The following PCDH15 variants were observed in gnomAD, a reference collection of about 807,000 sequenced individuals.
The protein encoded by PCDH15 is protocadherin related 15, also known as protocadherin-15.
Under a neutral mutation model 178.5 loss-of-function variants are expected in PCDH15, and 129 were observed. That is an observed-to-expected ratio of 0.72 (90% CI 0.63 to 0.84). The LOEUF is 0.84. Among genes scored for constraint, PCDH15 ranks in the 40% least tolerant of loss-of-function variants. The pLI, the probability that PCDH15 is intolerant of heterozygous loss-of-function variation, is 0.00. For missense variants in PCDH15, 2,230 were observed against 2,099.9 expected (o/e 1.06, Z -1.21); for synonymous variants, 800 against 732.0 (o/e 1.09, Z -1.50).
intron 1 of PCDH15, among the ~76,000 whole-genome samples, chr10:54,721,848 A>T (rs1034929363): frequency 1.3e-5 from 2 of 151,690 alleles, no homozygotes; most frequent in Non-Finnish European, 2.9e-5. Context: ...AGGAGGAAAG[A>T]CTCCTCCTTC....
chr10:54,876,770 T>TTC (rs1954152458), intron 3 of PCDH15, among the ~76,000 whole-genome samples: 1 of 152,158 alleles, frequency 6.6e-6, no homozygotes, highest in African/African-American at 2.4e-5. Context: ...AAGAAAGTAG[T>TTC]TTCCTGAGAT....
rs115819498 is a variant in PCDH15, at chr10:54,721,094, C to T, written c.-28-56804G>A. 8.7e-3 allele frequency among the ~76,000 whole-genome samples: 1,320 copies of T among 152,006 alleles called. 15 individuals carry two copies. Among genetic ancestry groups the T allele is most frequent in the African/African-American group, 0.029 (1,223 of 41,510 alleles). On this transcript the variant is annotated intron_variant, in intron 1 of 37. Coordinates refer to ENST00000644397, the MANE Select transcript of PCDH15 (RefSeq NM_001384140.1). ...TTAATACCAAGAGTAATTCTCAAAA[C>T]TACACAAGTAAATGGACTAAACAAC...
chr10:54,128,985 C>T (rs547578168), intron 15 of PCDH15, among the ~76,000 whole-genome samples: 3 of 152,124 alleles, frequency 2.0e-5, no homozygotes, highest in Non-Finnish European at 4.4e-5. Flanking sequence ...TATAATAGTT[C>T]TCTACAGCCT....
In PCDH15 at chr10:54,775,664, G is replaced by A. The variant is rs1029570507; in HGVS notation, c.-29+25261C>T. The stretch of plus-strand genomic sequence containing the variant: ...TGTAATCCCAGTACTCTGGGAGGCC[G>A]AGGCGGGCGGATCACGAGGTCAGGA... On this transcript the variant is annotated intron_variant, in intron 1 of 37. Coordinates refer to ENST00000644397, the MANE Select transcript of PCDH15 (RefSeq NM_001384140.1). Among the ~76,000 whole-genome samples the A allele has an allele frequency of 5.9e-5, 9 of 152,124 alleles. No homozygotes were observed. In the East Asian group the frequency reaches 1.5e-3, roughly 26 times the overall value.
intron 16 of PCDH15, among the ~76,000 whole-genome samples, chr10:54,083,847 C>T (rs187161473): frequency 1.8e-4 from 27 of 152,216 alleles, no homozygotes; most frequent in Admixed American, 5.2e-4. Context: ...TTTTGGGCTA[C>T]GTTCCTGAAA....
chr10:54,040,131 GT>G lies in PCDH15; in HGVS notation c.2221-16935del, dbSNP rs1038917274. 3.4e-4 allele frequency among the ~76,000 whole-genome samples: 52 copies of G among 152,058 alleles called. 1 individual carries two copies. Among genetic ancestry groups the G allele is most frequent in the African/African-American group, 1.1e-3 (47 of 41,496 alleles). On this transcript the variant is annotated intron_variant, in intron 18 of 37. Coordinates refer to ENST00000644397, the MANE Select transcript of PCDH15 (RefSeq NM_001384140.1). The stretch of plus-strand genomic sequence containing the variant: ...AATTACTCTTAAAAAGTCATAATTA[GT>G]TCTTTAAAATGTAAAACTAAAATAT...
chr10:54,711,813 A>C (rs959799653), intron 1 of PCDH15, among the ~76,000 whole-genome samples: 1 of 151,936 alleles, frequency 6.6e-6, no homozygotes, highest in African/African-American at 2.4e-5. Flanking sequence ...TGTAGAGTTT[A>C]CTCAGATTTT....
At chr10:54,831,074 T>C (rs1048184961) in intron 3 of PCDH15, among the ~76,000 whole-genome samples, 5 of 152,112 alleles carry the variant, frequency 3.3e-5, no homozygotes, top group Non-Finnish European at 5.9e-5. Context: ...GTCATCACTA[T>C]GCATTTGTAC....
At chr10:54,818,603 A>G (rs1000486870) in intron 3 of PCDH15, among the ~76,000 whole-genome samples, 2 of 152,020 alleles carry the variant, frequency 1.3e-5, no homozygotes, top group Admixed American at 1.3e-4. Context: ...CCATGCTGTG[A>G]GGAAGTCCAA....
At chr10:55,450,175 C>T (rs547513197) in intron 2 of PCDH15, among the ~76,000 whole-genome samples, 2 of 151,982 alleles carry the variant, frequency 1.3e-5, no homozygotes, top group South Asian at 4.2e-4. Flanking sequence ...GTTAGGCTGC[C>T]AGAAGAGGAA....
rs540740425 is a variant in PCDH15, at chr10:55,543,751, G to C, written c.-156+83874C>G. 3.4e-4 allele frequency among the ~76,000 whole-genome samples: 51 copies of C among 151,224 alleles called. No individual in the cohort carries two copies. The South Asian group carries it at 0.01, about 31-fold the overall frequency. On this transcript the variant is annotated intron_variant, in intron 2 of 5. Transcript: ENST00000613346. ...ATTACAACAAGCAACATAAGATTGT[G>C]ATCTTCTTATTTTAAAAAGGGAATT...
chr10:54,742,721 G>A (rs1440020187), intron 1 of PCDH15, among the ~76,000 whole-genome samples: 1 of 152,022 alleles, frequency 6.6e-6, no homozygotes, highest in Admixed American at 6.6e-5. Context: ...CTGCATTCTA[G>A]AAAGGAGAGA....
intron 2 of PCDH15, among the ~76,000 whole-genome samples, chr10:55,156,079 A>G (rs1838880724): frequency 6.6e-6 from 1 of 152,072 alleles, no homozygotes; most frequent in African/African-American, 2.4e-5. Flanking sequence ...AAAGGGGTCT[A>G]TTTCATACAT....
At chr10:54,106,619 T>A (rs1352665040) in intron 15 of PCDH15, among the ~76,000 whole-genome samples, 2 of 152,118 alleles carry the variant, frequency 1.3e-5, no homozygotes, top group Non-Finnish European at 1.5e-5. Flanking sequence ...ATAACGAGCA[T>A]AAAAAACAGA....
At position 55,586,952 on chromosome 10, in the gene PCDH15, C is replaced by A. The variant is rs1349078867; in HGVS notation, c.-156+40673G>T. On this transcript the variant is annotated intron_variant, in intron 2 of 5. Coordinates refer to the PCDH15 transcript ENST00000613346. ...TTGGGTACATAGGCATCCCTTTTGA[C>A]AAATAAAATCAGAATCTAAACTACA... 2.0e-5 allele frequency among the ~76,000 whole-genome samples: 3 copies of A among 151,978 alleles called. No individual in the cohort carries two copies. In the East Asian group the frequency reaches 5.8e-4, roughly 29 times the overall value.
chr10:55,185,423 A>AATCTTTATT (rs1839768563), intron 1 of PCDH15, among the ~76,000 whole-genome samples: 2 of 151,784 alleles, frequency 1.3e-5, no homozygotes, highest in Admixed American at 6.6e-5. Flanking sequence ...ATCAGCTCAG[A>AATCTTTATT]ATCTTTATTA....
intron 1 of PCDH15, among the ~76,000 whole-genome samples, chr10:55,198,581 G>C (rs1035379008): frequency 3.9e-5 from 6 of 152,026 alleles, no homozygotes; most frequent in Non-Finnish European, 7.3e-5. Context: ...CCGCCTCCTG[G>C]GTTCACGCCA....
chr10:55,272,058 G>T (rs1255158724), intron 1 of PCDH15, among the ~76,000 whole-genome samples: 1 of 151,992 alleles, frequency 6.6e-6, no homozygotes, highest in Non-Finnish European at 1.5e-5. Flanking sequence ...CGAGTTTGAG[G>T]AAATAAATAT....
At chr10:55,171,701 C>A (rs575198407) in intron 1 of PCDH15, among the ~76,000 whole-genome samples, 4 of 152,070 alleles carry the variant, frequency 2.6e-5, no homozygotes, top group African/African-American at 9.6e-5. Context: ...ATATGTCTTT[C>A]AGATCTGTGA....
Sources: allele counts gnomAD v4.1 joint callset (sites outside exome capture counted in the v4.1 genomes callset), GRCh38; gene constraint gnomAD v4.1.1; transcripts MANE v1.5; gene names NCBI Gene and HGNC (gene_info 2026-07-23, HGNC 2026-07-21).